Variants in LRRTM4 observed in about 807,000 individuals in gnomAD.
The protein encoded by LRRTM4 is leucine rich repeat transmembrane neuronal 4.
A neutral mutation model predicts 47.6 loss-of-function variants in LRRTM4; 25 were observed. That is an observed-to-expected ratio of 0.53 (90% confidence interval 0.38 to 0.73). LRRTM4 has a LOEUF of 0.73. LRRTM4 is among the 30% of genes least tolerant of loss of function. The pLI is 0.00. For missense variants in LRRTM4, 638 were observed against 713.4 expected, an observed-to-expected ratio of 0.89 and a Z score of 1.20; for synonymous variants, 311 against 269.5, an observed-to-expected ratio of 1.15 and a Z score of -1.51.
chr2:76,775,156 G>C (rs532026143), intron 3 of LRRTM4, among the ~76,000 whole-genome samples: 3 of 152,190 alleles, frequency 2.0e-5, no homozygotes, highest in Admixed American at 6.5e-5. Context: ...ACAACATTTA[G>C]ACATTGTTTC....
chr2:77,258,102 TAAAAAGAAAAGAA>T (rs1327991910), intron 3 of LRRTM4, among the ~76,000 whole-genome samples: 6 of 113,512 alleles, frequency 5.3e-5, no homozygotes, highest in Non-Finnish European at 9.6e-5. Context: ...GTCTCAAAAA[TAAAAAGAAAAGAA>T]AAAAAGAAAA....
chr2:77,091,003 A>G (rs1254833752), intron 3 of LRRTM4, among the ~76,000 whole-genome samples: 1 of 151,990 alleles, frequency 6.6e-6, no homozygotes, highest in African/African-American at 2.4e-5. Flanking sequence ...CCTTGCCTCC[A>G]GAACTGTTGT....
intron 3 of LRRTM4, among the ~76,000 whole-genome samples, chr2:76,934,592 G>A (rs1264673578): frequency 1.3e-5 from 2 of 152,148 alleles, no homozygotes; most frequent in African/African-American, 2.4e-5. Context: ...AATTTGCAGT[G>A]TGTAAATATT....
At chr2:76,754,812 G>A (rs1672970897) in intron 3 of LRRTM4, among the ~76,000 whole-genome samples, 1 of 152,082 alleles carries the variant, frequency 6.6e-6, no homozygotes, top group Non-Finnish European at 1.5e-5. Flanking sequence ...ATTGCCCTGT[G>A]AACGTGCTTA....
At position 76,885,046 on chromosome 2, in the gene LRRTM4, T is replaced by C. The variant is rs576724357; in HGVS notation, c.1552-136130A>G. Among the ~76,000 whole-genome samples the C allele has an allele frequency of 3.9e-5, 6 of 152,086 alleles. No homozygotes were observed. In the South Asian group the frequency reaches 1.2e-3, roughly 31 times the overall value. ...AAAGTATAAGCCTAGATAAAAATAC[T>C]TATAATAAATATTCCAAAATGTTAG... is the stretch of plus-strand genomic sequence containing the variant. On this transcript the variant is annotated intron_variant, in intron 3 of 3. Transcript: ENST00000409884.
chr2:77,340,386 T>C (rs2104273611), intron 3 of LRRTM4, among the ~76,000 whole-genome samples: 3 of 152,148 alleles, frequency 2.0e-5, no homozygotes, highest in Middle Eastern at 6.8e-3. Context: ...GAATCTGTTC[T>C]ATAAGACTGC....
intron 3 of LRRTM4, among the ~76,000 whole-genome samples, chr2:77,371,365 C>T (rs1395429961): frequency 6.6e-6 from 1 of 151,764 alleles, no homozygotes; most frequent in Non-Finnish European, 1.5e-5. Context: ...CCTGCCAATT[C>T]TGTTATCTGT....
chr2:77,225,155 T>C (rs1034639671), intron 3 of LRRTM4, among the ~76,000 whole-genome samples: 4 of 135,776 alleles, frequency 2.9e-5, no homozygotes, highest in African/African-American at 8.4e-5. Context: ...TAGGTGGGAA[T>C]TGAACAATAA....
At chr2:77,184,955 C>T (rs1288625341) in intron 3 of LRRTM4, among the ~76,000 whole-genome samples, 1 of 150,706 alleles carries the variant, frequency 6.6e-6, no homozygotes, top group Non-Finnish European at 1.5e-5. Flanking sequence ...AGCCACAGAC[C>T]AAAGTAATTA....
At chr2:77,298,778 C>G (rs1193461222) in intron 3 of LRRTM4, among the ~76,000 whole-genome samples, 1 of 152,140 alleles carries the variant, frequency 6.6e-6, no homozygotes, top group Non-Finnish European at 1.5e-5. Context: ...AAATATCCTG[C>G]TGCTATCATT....
intron 3 of LRRTM4, among the ~76,000 whole-genome samples, chr2:77,132,191 C>CAA (rs1671820461): frequency 6.6e-6 from 1 of 152,252 alleles, no homozygotes; most frequent in Admixed American, 6.5e-5. Flanking sequence ...CTACTCCCTA[C>CAA]CTTCATAAAA....
intron 3 of LRRTM4, among the ~76,000 whole-genome samples, chr2:77,185,756 G>T (rs193227388): frequency 6.6e-6 from 1 of 152,172 alleles, no homozygotes; most frequent in African/African-American, 2.4e-5. Context: ...CAGGACAAAT[G>T]GTTTGTAGTA....
At chr2:77,138,447 A>G (rs549876782) in intron 3 of LRRTM4, among the ~76,000 whole-genome samples, 7 of 152,234 alleles carry the variant, frequency 4.6e-5, no homozygotes, top group Non-Finnish European at 7.3e-5. Context: ...ACAACATACC[A>G]GAATCTCTGG....
Position 77,202,400 on chromosome 2 carries a change from T to G in LRRTM4, c.1551+315918A>C, listed in dbSNP as rs569599541. On this transcript the variant is annotated intron_variant, in intron 3 of 3. Transcript: ENST00000409884. ...TCCTAATGTATAATATTACTACCAA[T>G]TATTATTAGAAGTAGCAGCAGCATC... Among the ~76,000 whole-genome samples, 9 of 152,224 alleles carry G rather than the reference T, an allele frequency of 5.9e-5. No homozygotes were observed. In the South Asian group the frequency reaches 1.7e-3, roughly 28 times the overall value.
intron 3 of LRRTM4, among the ~76,000 whole-genome samples, chr2:76,897,384 A>C (rs1424169120): frequency 5.3e-5 from 8 of 152,116 alleles, no homozygotes; most frequent in Non-Finnish European, 1.0e-4. Flanking sequence ...AGCTATTTTT[A>C]TTACCAACTC....
At chr2:76,769,726 G>C (rs756949887) in intron 3 of LRRTM4, among the ~76,000 whole-genome samples, 2 of 151,798 alleles carry the variant, frequency 1.3e-5, no homozygotes, top group African/African-American at 4.8e-5. Context: ...CAGATGACTC[G>C]TATTTATATT....
intron 3 of LRRTM4, among the ~76,000 whole-genome samples, chr2:76,844,200 T>C (rs1671772568): frequency 6.6e-6 from 1 of 151,764 alleles, no homozygotes; most frequent in Non-Finnish European, 1.5e-5. Flanking sequence ...CGTGGCATGA[T>C]CTCAGCTCAC....
chr2:76,995,263 G>A (rs1285799391), intron 3 of LRRTM4, among the ~76,000 whole-genome samples: 2 of 151,950 alleles, frequency 1.3e-5, no homozygotes, highest in African/African-American at 4.8e-5. Flanking sequence ...ATATTCAAGA[G>A]CAATTATTGA....
intron 3 of LRRTM4, among the ~76,000 whole-genome samples, chr2:76,878,687 G>T (rs1672844549): frequency 6.6e-6 from 1 of 151,944 alleles, no homozygotes; most frequent in Non-Finnish European, 1.5e-5. Flanking sequence ...GGACCAACAT[G>T]GTGAAACCCC....
Sources: allele counts gnomAD v4.1 joint callset (sites outside exome capture counted in the v4.1 genomes callset), GRCh38; gene constraint gnomAD v4.1.1; transcripts MANE v1.5; gene names NCBI Gene and HGNC (gene_info 2026-07-23, HGNC 2026-07-21).